GRB14: variants seen among roughly 807,000 people sequenced by gnomAD.
GRB14 encodes growth factor receptor bound protein 14, also known as growth factor receptor-bound protein 14.
A neutral mutation model predicts 69.1 loss-of-function variants in GRB14; 38 were observed. That is an observed-to-expected ratio of 0.55 (90% CI 0.42 to 0.72). GRB14 has a LOEUF of 0.72. Among genes scored for constraint, GRB14 ranks in the 30% least tolerant of loss-of-function variants. GRB14 has a pLI of 0.00. For synonymous variants in GRB14, 247 were observed against 241.3 expected (o/e 1.02, Z -0.22); for missense variants, 666 against 666.1 (o/e 1.00, Z 0.00).
At chr2:164,532,038 A>C (rs1385638212) in intron 3 of GRB14, among the ~76,000 whole-genome samples, 1 of 152,196 alleles carries the variant, frequency 6.6e-6, no homozygotes, top group African/African-American at 2.4e-5. Context: ...ATAAGCAATA[A>C]GCTTAAAAAG....
At chr2:164,593,603 T>C (rs146233486) in intron 2 of GRB14, among the ~76,000 whole-genome samples, 4 of 151,976 alleles carry the variant, frequency 2.6e-5, no homozygotes, top group Non-Finnish European at 5.9e-5. Context: ...AAGGAAGAAA[T>C]CATGAGACCC....
At chr2:164,537,272 G>T (rs141184539) in intron 3 of GRB14, among the ~76,000 whole-genome samples, 3,099 of 152,204 alleles carry the variant, frequency 0.02, 40 homozygotes, top group Non-Finnish European at 0.032. Context: ...TTAAGAAAAG[G>T]CTGGGGTTTT....
chr2:164,595,914 A>G (rs1426479790), intron 2 of GRB14, among the ~76,000 whole-genome samples: 1 of 152,184 alleles, frequency 6.6e-6, no homozygotes, highest in African/African-American at 2.4e-5. Context: ...TGACAAGATC[A>G]GGAGATCGAG....
Position 164,621,239 on chromosome 2 carries a change from G to T in GRB14, c.71C>A (p.Ala24Asp). The T allele has an allele frequency of 7.9e-7, 1 of 1,266,622 alleles. No homozygotes were observed. The highest frequency in any genetic ancestry group is 1.5e-5 in the African/African-American group (1 of 65,770). 78.5% of individuals were successfully genotyped at this position (1,266,622 alleles called of 1,614,324 possible). ...CCCCTGGGCAGCGCCACACACCTGG[G>T]CGGCCAGCGGCGAATCCCGGGCAGC... Reference protein sequence around the residue: ...RAAARDSPLAAQVCGAAQGRG... With the variant: ...RAAARDSPLADQVCGAAQGRG... Residue 24 changes from alanine (A) to aspartate (D), a missense_variant, in exon 1 of 14, where the codon GCC becomes GAC. Physicochemically the swap from Ala to Asp is moderately radical, Grantham distance 126. Transcript: ENST00000263915. This position sits in a 1 kb window ranked among gnomAD's most constrained non-coding sequence, Gnocchi z 6.0.
intron 6 of GRB14, among the ~76,000 whole-genome samples, chr2:164,513,085 C>G (rs1298054629): frequency 6.6e-6 from 1 of 151,984 alleles, no homozygotes; most frequent in Non-Finnish European, 1.5e-5. Flanking sequence ...CTTGTGGCCC[C>G]TCTCTCTCTA....
At chr2:164,588,990 A>G (rs1033058066) in intron 2 of GRB14, among the ~76,000 whole-genome samples, 1 of 152,184 alleles carries the variant, frequency 6.6e-6, no homozygotes, top group African/African-American at 2.4e-5. Context: ...CTTTTGGATA[A>G]CATTCATTTA....
At chr2:164,583,725 A>T (rs1689468680) in intron 2 of GRB14, among the ~76,000 whole-genome samples, 1 of 152,216 alleles carries the variant, frequency 6.6e-6, no homozygotes, top group Non-Finnish European at 1.5e-5. Context: ...TGGGACAAAT[A>T]GTAAAAGAAT....
intron 2 of GRB14, among the ~76,000 whole-genome samples, chr2:164,569,963 A>G (rs1415097297): frequency 1.3e-5 from 2 of 152,208 alleles, no homozygotes; most frequent in Non-Finnish European, 1.5e-5. Flanking sequence ...CAGCAAGCCA[A>G]CAATAACAAA....
intron 6 of GRB14, among the ~76,000 whole-genome samples, chr2:164,517,652 A>C (rs1028348364): frequency 2.0e-5 from 3 of 152,176 alleles, no homozygotes; most frequent in African/African-American, 7.2e-5. Flanking sequence ...ACATAAACTT[A>C]AGGTAAAGGG....
intron 2 of GRB14, among the ~76,000 whole-genome samples, chr2:164,616,821 G>A (rs1690309624): frequency 6.6e-6 from 1 of 152,182 alleles, no homozygotes; most frequent in Admixed American, 6.5e-5. Context: ...AAATGAGAGA[G>A]AATATAAAGT....
chr2:164,515,820 A>G (rs1239022480), intron 6 of GRB14, among the ~76,000 whole-genome samples: 2 of 149,204 alleles, frequency 1.3e-5, no homozygotes, highest in East Asian at 2.0e-4. Context: ...AAAAAAAGCC[A>G]TGATACAAGA....
chr2:164,522,923 G>A (rs1490458303), intron 5 of GRB14, among the ~76,000 whole-genome samples: 1 of 152,036 alleles, frequency 6.6e-6, no homozygotes, highest in Admixed American at 6.6e-5. Context: ...TAACTAGCCT[G>A]GTGATTTTCG....
chr2:164,533,688 C>T (rs1278223203), intron 3 of GRB14, among the ~76,000 whole-genome samples: 2 of 151,942 alleles, frequency 1.3e-5, no homozygotes, highest in African/African-American at 4.8e-5. Flanking sequence ...GAAAATAAAA[C>T]AAAAAAGGTT....
intron 2 of GRB14, among the ~76,000 whole-genome samples, chr2:164,598,236 G>C (rs1375845814): frequency 6.6e-6 from 1 of 152,126 alleles, no homozygotes; most frequent in African/African-American, 2.4e-5. Flanking sequence ...CATTCAGAAA[G>C]CATTTCCTCA....
intron 5 of GRB14, among the ~76,000 whole-genome samples, chr2:164,522,324 T>A (rs537440726): frequency 6.6e-6 from 1 of 152,132 alleles, no homozygotes; most frequent in East Asian, 1.9e-4. Context: ...TCTCTTTCTA[T>A]CTCCGTGTGT....
intron 3 of GRB14, among the ~76,000 whole-genome samples, chr2:164,536,787 GT>G (rs1688090345): frequency 6.6e-6 from 1 of 152,136 alleles, no homozygotes; most frequent in South Asian, 2.1e-4. Flanking sequence ...TACTTGTCTA[GT>G]TAATTGATAT....
At chr2:164,610,932 T>G (rs945476616) in intron 2 of GRB14, among the ~76,000 whole-genome samples, 1 of 136,662 alleles carries the variant, frequency 7.3e-6, no homozygotes, top group African/African-American at 2.7e-5. Context: ...AAAAATCTCC[T>G]GGATGAGATG....
rs1181328469 is a variant in GRB14, at chr2:164,494,472, T to C, written c.1435A>G (p.Met479Val). 5 of 1,604,478 alleles carry C rather than the reference T, an allele frequency of 3.1e-6. No individual in the cohort carries two copies. The highest frequency in any genetic ancestry group is 2.6e-6 in the Non-Finnish European group (3 of 1,171,380). Residue 479 changes from methionine to valine, a missense_variant, in exon 13 of 14, where the codon ATG (methionine) becomes GTG (valine). By Grantham distance (21) the Met-to-Val change is conservative. Coordinates refer to ENST00000263915, the MANE Select transcript of GRB14 (RefSeq NM_004490.3). The part of the protein sequence containing the change: ...QSNPKTFVLS[M>V]SHGQKIKHFQ... ...TGCTTTATTTTTTGTCCATGACTCA[T>C]TGACAGTACGAAAGTTTTGGGGTTA...
At chr2:164,575,072 G>A (rs1689220446) in intron 2 of GRB14, among the ~76,000 whole-genome samples, 2 of 152,084 alleles carry the variant, frequency 1.3e-5, no homozygotes, top group South Asian at 4.1e-4. Context: ...TTTTAAGGCA[G>A]GAATCAGTCT....
Sources: allele counts gnomAD v4.1 joint callset (sites outside exome capture counted in the v4.1 genomes callset), GRCh38; gene constraint gnomAD v4.1.1; non-coding constraint Gnocchi (gnomAD v3.1); transcripts MANE v1.5; gene names NCBI Gene and HGNC (gene_info 2026-07-23, HGNC 2026-07-21).